The following AMN1 variants were observed in gnomAD, a reference collection of about 807,000 sequenced individuals.
AMN1 encodes the protein antagonist of mitotic exit network 1 homolog.
A neutral mutation model predicts 33.0 loss-of-function variants in AMN1; 20 were observed. The ratio of observed to expected loss-of-function variants is 0.61; its 90% CI spans 0.43 to 0.88. AMN1 has a LOEUF of 0.88. Among genes scored for constraint, AMN1 ranks in the 40% least tolerant of loss-of-function variants. The probability of loss-of-function intolerance (pLI) is 0.00; values close to 1 mark genes in which losing one functional copy is unlikely to be tolerated. For synonymous variants in AMN1, 114 were observed against 111.9 expected (o/e 1.02, Z -0.12); for missense variants, 246 against 307.4 (o/e 0.80, Z 1.49).
chr12:31,686,588 A>G (rs1294263948), intron 6 of AMN1, among the ~76,000 whole-genome samples: 1 of 152,266 alleles, frequency 6.6e-6, no homozygotes, highest in African/African-American at 2.4e-5. Flanking sequence ...TTACTGAACA[A>G]CATAGCTTAG....
chr12:31,700,240 G>A (rs960850294), intron 3 of AMN1, among the ~76,000 whole-genome samples: 2 of 152,000 alleles, frequency 1.3e-5, no homozygotes, highest in African/African-American at 4.8e-5. Flanking sequence ...GTGCACATCT[G>A]CGGTCCCAGC....
intron 6 of AMN1, among the ~76,000 whole-genome samples, chr12:31,673,288 C>T (rs1189141522): frequency 2.7e-5 from 4 of 149,030 alleles, no homozygotes; most frequent in African/African-American, 7.4e-5. Flanking sequence ...CCAACATATA[C>T]AGTGACAAAA....
chr12:31,717,305 C>G (rs971215288), intron 1 of AMN1, among the ~76,000 whole-genome samples: 25 of 152,306 alleles, frequency 1.6e-4, no homozygotes, highest in African/African-American at 5.5e-4. Context: ...GCATAGTATT[C>G]CATGGTTTAT....
rs116880202 is a variant in AMN1 at position 31,703,758 on chromosome 12, T to G, written c.172-1751A>C. 4.4e-3 allele frequency among the ~76,000 whole-genome samples: 666 copies of G among 152,332 alleles called. 5 individuals are homozygous for G. The highest frequency in any genetic ancestry group is 0.018 in the South Asian group (89 of 4,830). ...TAGATTGTGGTTGTATATTATTCCA[T>G]TTTCTGCAAGTATCATAACTTATTA... On this transcript the variant is annotated intron_variant, in intron 2 of 6. Transcript: ENST00000281471.
chr12:31,684,567 T>C lies in AMN1; in HGVS notation c.703+4440A>G, dbSNP rs1396813003. Among the ~76,000 whole-genome samples the C allele has an allele frequency of 2.0e-5, 3 of 151,672 alleles. No individual in the cohort carries two copies. In the South Asian group the frequency reaches 6.2e-4, roughly 32 times the overall value. ...CTCACTGCAAGCTCGGCCTCCCAAG[T>C]TCATGCCATTCTCCTGCCTCAGCCT... On this transcript the variant is annotated intron_variant, in intron 6 of 6. Transcript: ENST00000281471.
At chr12:31,714,658 A>T (rs940855932) in intron 1 of AMN1, 1 of 152,652 alleles carries the variant, frequency 6.6e-6, no homozygotes, top group Non-Finnish European at 1.5e-5. Context: ...AACACAGAAC[A>T]AAAAAGATTG....
chr12:31,701,979 T>A lies in AMN1; in HGVS notation c.200A>T (p.Asp67Val). The A allele has an allele frequency of 6.2e-7, 1 of 1,605,206 alleles. No homozygotes were observed. The highest frequency in any genetic ancestry group is 8.5e-7 in the Non-Finnish European group (1 of 1,177,636). Residue 67 changes from aspartate to valine, a missense_variant, in exon 3 of 7, where the codon GAT (aspartate) becomes GTT (valine). Coordinates refer to ENST00000281471, the MANE Select transcript of AMN1 (RefSeq NM_001113402.2). The stretch of plus-strand genomic sequence containing the variant: ...ATCTGATATATCGCAGCTCCGTAGA[T>A]CTAGAGTTTGGACTTCAGGATGTAA... ...EILHPEVQTL[D>V]LRSCDISDAA...
At chr12:31,693,478 C>T (rs760336749) in intron 5 of AMN1, among the ~76,000 whole-genome samples, 25 of 152,056 alleles carry the variant, frequency 1.6e-4, no homozygotes, top group East Asian at 3.9e-4. Context: ...CCACCTGCCT[C>T]GGCCTCCCAA....
At chr12:31,725,500 T>C (rs1940027548) in intron 1 of AMN1, among the ~76,000 whole-genome samples, 1 of 152,238 alleles carries the variant, frequency 6.6e-6, no homozygotes, top group Admixed American at 6.5e-5. Flanking sequence ...ATATGGTGAA[T>C]TGATCTAACA....
At chr12:31,688,906 G>T in intron 6 of AMN1, 101 bp downstream of exon 6, 1 of 648,804 alleles carries the variant, frequency 1.5e-6, no homozygotes. Flanking sequence ...CTGTTTTACA[G>T]ATGAGGAAAC....
At chr12:31,722,393 C>A (rs914069308) in intron 1 of AMN1, among the ~76,000 whole-genome samples, 2 of 152,160 alleles carry the variant, frequency 1.3e-5, no homozygotes, top group Non-Finnish European at 2.9e-5. Flanking sequence ...ATATTTCACA[C>A]CCCTTATCAT....
intron 1 of AMN1, among the ~76,000 whole-genome samples, chr12:31,709,716 C>T: frequency 6.6e-6 from 1 of 152,108 alleles, no homozygotes; most frequent in East Asian, 1.9e-4. Flanking sequence ...GTAGTCCCAG[C>T]TACTTGGGAG....
chr12:31,689,954 T>G (rs995740377), intron 5 of AMN1, among the ~76,000 whole-genome samples: 6 of 152,210 alleles, frequency 3.9e-5, no homozygotes, highest in Non-Finnish European at 5.9e-5. Context: ...TATGTCATTC[T>G]TATGCATTTG....
intron 3 of AMN1, 29 bp from the exon 4 acceptor site, chr12:31,697,986 G>A: frequency 6.3e-7 from 1 of 1,597,812 alleles, no homozygotes; most frequent in Non-Finnish European, 8.6e-7. Flanking sequence ...ATATATCAAT[G>A]AGCTATATGT....
chr12:31,680,795 A>G (rs1456705157), intron 6 of AMN1, among the ~76,000 whole-genome samples: 1 of 152,158 alleles, frequency 6.6e-6, no homozygotes, highest in Non-Finnish European at 1.5e-5. Context: ...AATACTTTCT[A>G]TATAATATAA....
rs1253728093 is a variant in AMN1 at position 31,697,948 on chromosome 12, G to T, written c.326C>A (p.Ala109Asp). 6.2e-7 allele frequency: 1 copy of T among 1,613,792 alleles called. No homozygotes were observed. Among genetic ancestry groups the T allele is most frequent in the Admixed American group, 1.7e-5 (1 of 60,012 alleles). The stretch of plus-strand genomic sequence containing the variant: ...TAGGTATGAACAAGATGAAGCCACA[G>T]CTTTTATTCCTGGGGGAAAATATAA... ...RVSVTSEGIK[A>D]VASSCSYLHE... The change falls in exon 4 of 7, where the codon GCT becomes GAT. Residue 109 changes from alanine to aspartate, a missense_variant. Coordinates refer to ENST00000281471, the MANE Select transcript of AMN1 (RefSeq NM_001113402.2).
At chr12:31,688,248 C>T (rs1444939585) in intron 6 of AMN1, among the ~76,000 whole-genome samples, 1 of 152,172 alleles carries the variant, frequency 6.6e-6, no homozygotes, top group Admixed American at 6.5e-5. Context: ...GCCACCACGC[C>T]CGGCTATTCT....
chr12:31,705,005 TCAA>T (rs1206058057), intron 2 of AMN1, among the ~76,000 whole-genome samples: 3 of 152,146 alleles, frequency 2.0e-5, no homozygotes, highest in African/African-American at 7.2e-5. Context: ...AACAGAACCA[TCAA>T]CAATAAGAAC....
chr12:31,708,250 C>T (rs1031402311), intron 2 of AMN1, among the ~76,000 whole-genome samples: 3 of 152,066 alleles, frequency 2.0e-5, no homozygotes, highest in African/African-American at 4.8e-5. Flanking sequence ...AATATTAAGA[C>T]CCTAGGGAAA....
Sources: gnomAD v4.1 joint callset for allele counts (sites outside exome capture counted in the v4.1 genomes callset) on GRCh38, gnomAD v4.1.1 for gene constraint, MANE v1.5 for transcripts, NCBI Gene and HGNC (gene_info 2026-07-23, HGNC 2026-07-21) for gene names.